Variants in WDTC1 observed in about 807,000 individuals in gnomAD.
WDTC1 encodes the protein WD and tetratricopeptide repeats 1, also known as WD and tetratricopeptide repeats protein 1.
WDTC1 carries 12 observed loss-of-function variants against 76.0 expected under a neutral mutation model. That is an observed-to-expected ratio of 0.16 (90% CI 0.10 to 0.26). The LOEUF is 0.26. WDTC1 is among the 10% of genes least tolerant of loss of function. The pLI is 1.00. For missense variants in WDTC1, 511 were observed against 908.8 expected (o/e 0.56, Z 5.63); for synonymous variants, 326 against 350.8 (o/e 0.93, Z 0.79).
At chr1:27,286,844 T>C (rs2013354470) in intron 5 of WDTC1, among the ~76,000 whole-genome samples, 1 of 152,084 alleles carries the variant, frequency 6.6e-6, no homozygotes, top group South Asian at 2.1e-4. Context: ...AGATTGTTTT[T>C]CAGAAGCAGT....
At chr1:27,304,913 C>T (rs906997804) in intron 14 of WDTC1, 88 bp from the exon 15 acceptor site, 11 of 1,361,646 alleles carry the variant, frequency 8.1e-6, no homozygotes, top group South Asian at 1.5e-5. Context: ...GACTTCCTTG[C>T]TCCCCCTTTA....
chr1:27,304,052 A>G (rs1435785080), intron 14 of WDTC1: 2 of 418,946 alleles, frequency 4.8e-6, no homozygotes, highest in African/African-American at 4.3e-5. Context: ...TGCCTGAACT[A>G]CTCCTTCATC....
At chr1:27,289,313 T>C (rs2013454297) in intron 6 of WDTC1, among the ~76,000 whole-genome samples, 1 of 143,086 alleles carries the variant, frequency 7.0e-6, no homozygotes, top group Non-Finnish European at 1.5e-5. Flanking sequence ...GACGGGGTGG[T>C]TGCCAGGCAG....
At chr1:27,241,234 T>A (rs2011623971) in intron 1 of WDTC1, among the ~76,000 whole-genome samples, 1 of 151,722 alleles carries the variant, frequency 6.6e-6, no homozygotes, top group African/African-American at 2.4e-5. Context: ...TCTGGGGAGG[T>A]ATTAACCCCA....
Position 27,234,964 on chromosome 1 carries a change from GC to G in WDTC1, c.-100+15del, listed in dbSNP as rs2011462676. 1 of 388,500 alleles carries G rather than the reference GC, an allele frequency of 2.6e-6. No homozygotes were observed. The highest frequency in any genetic ancestry group is 2.1e-5 in the African/African-American group (1 of 48,152). 24.1% of individuals were successfully genotyped at this position (388,500 alleles called of 1,614,324 possible). ...AGAGACCTGACAGGTACGGGTCACC[GC>G]CGCCCCCTGCCCTCCGCGGGCGCCG... On this transcript the variant is annotated intron_variant, in intron 1 of 15. Transcript: ENST00000319394.
At chr1:27,262,056 A>AGT (rs1314248386) in intron 2 of WDTC1, among the ~76,000 whole-genome samples, 1 of 151,672 alleles carries the variant, frequency 6.6e-6, no homozygotes, top group Non-Finnish European at 1.5e-5. Flanking sequence ...CAGCCTCGCA[A>AGT]GTAGCTGGGA....
chr1:27,244,743 C>G (rs529702349), intron 1 of WDTC1, among the ~76,000 whole-genome samples: 1 of 152,210 alleles, frequency 6.6e-6, no homozygotes, highest in Non-Finnish European at 1.5e-5. Context: ...TCCAATAGAA[C>G]CACTATAAAT....
chr1:27,253,007 A>ATT (rs34743468), intron 1 of WDTC1, among the ~76,000 whole-genome samples: 12 of 106,444 alleles, frequency 1.1e-4, no homozygotes, highest in African/African-American at 2.0e-4. Context: ...GTTCTTTCTG[A>ATT]TTTTTTTTTT....
At chr1:27,252,806 A>G (rs1047794279) in intron 1 of WDTC1, among the ~76,000 whole-genome samples, 5 of 151,766 alleles carry the variant, frequency 3.3e-5, no homozygotes, top group African/African-American at 1.2e-4. Flanking sequence ...TCAAAAAAAG[A>G]AAAAGAAAAA....
intron 1 of WDTC1, among the ~76,000 whole-genome samples, chr1:27,249,114 G>A (rs1570940430): frequency 6.6e-6 from 1 of 151,780 alleles, no homozygotes; most frequent in Non-Finnish European, 1.5e-5. Flanking sequence ...CTAAAAATAC[G>A]AAAAATTAGC....
At chr1:27,297,447 G>A (rs1297360011) in intron 11 of WDTC1, among the ~76,000 whole-genome samples, 1 of 152,218 alleles carries the variant, frequency 6.6e-6, no homozygotes, top group Non-Finnish European at 1.5e-5. Context: ...CCAAAAAGGG[G>A]CTGCATACAA....
At chr1:27,235,960 C>T (rs2011483641) in intron 1 of WDTC1, among the ~76,000 whole-genome samples, 2 of 152,082 alleles carry the variant, frequency 1.3e-5, no homozygotes, top group South Asian at 4.1e-4. Context: ...GAAGTCTTCC[C>T]TTTCTAACAA....
intron 2 of WDTC1, among the ~76,000 whole-genome samples, chr1:27,262,744 A>G (rs866383148): frequency 1.3e-5 from 2 of 152,242 alleles, no homozygotes; most frequent in Admixed American, 6.5e-5. Flanking sequence ...TGATTTCATT[A>G]GACTGAGTGG....
rs374180275 is a variant in WDTC1 at position 27,306,160 on chromosome 1, G to A, written c.1837-26G>A. Reference sequence around the variant, plus strand: ...GTGCCTCTCCCTCCCTGAGCCCCACGTGTGTCACCCCTTTCTCCACCACAG... The same window carrying A: ...GTGCCTCTCCCTCCCTGAGCCCCACATGTGTCACCCCTTTCTCCACCACAG... On this transcript the variant is annotated intron_variant, in intron 15 of 15. Coordinates refer to ENST00000319394, the MANE Select transcript of WDTC1 (RefSeq NM_001276252.2). This position sits in a 1 kb window ranked among gnomAD's most constrained non-coding sequence, Gnocchi z 5.0. 331 of 1,613,278 alleles carry A rather than the reference G, an allele frequency of 2.1e-4. 1 individual carries two copies. The highest frequency in any genetic ancestry group is 3.3e-4 in the Middle Eastern group (2 of 6,082).
intron 5 of WDTC1, among the ~76,000 whole-genome samples, chr1:27,287,315 T>G (rs1368472886): frequency 6.6e-6 from 1 of 152,214 alleles, no homozygotes; most frequent in African/African-American, 2.4e-5. Flanking sequence ...AGACTTGGGC[T>G]TGAACACAAT....
At chr1:27,285,663 G>A (rs2013311057) in intron 5 of WDTC1, among the ~76,000 whole-genome samples, 1 of 150,284 alleles carries the variant, frequency 6.7e-6, no homozygotes, top group African/African-American at 2.4e-5. Context: ...TTGTTGCCCA[G>A]GCTGGAGTAC....
chr1:27,287,529 G>A, intron 5 of WDTC1, 145 bp from the exon 6 acceptor site: 1 of 871,170 alleles, frequency 1.1e-6, no homozygotes, highest in Non-Finnish European at 1.7e-6. Context: ...TGGGATTACA[G>A]GCATGAGCCA....
rs1244855006 is a variant in WDTC1, at chr1:27,274,826, T to C, written c.133-7413T>C. Among the ~76,000 whole-genome samples, 1 of 152,214 alleles carries C rather than the reference T, an allele frequency of 6.6e-6. No individual in the cohort carries two copies. The highest frequency in any genetic ancestry group is 2.4e-5 in the African/African-American group (1 of 41,456). ...CCCAAGATCACCTTGGAAGTTGTGATCACACTTTGATTCCTGCTATTTCAT... is the reference window on the plus strand; with the variant it reads ...CCCAAGATCACCTTGGAAGTTGTGACCACACTTTGATTCCTGCTATTTCAT... On this transcript the variant is annotated intron_variant, in intron 3 of 15. Coordinates refer to ENST00000319394, the MANE Select transcript of WDTC1 (RefSeq NM_001276252.2). The surrounding 1 kb of genome is among the most constrained non-coding windows in gnomAD (Gnocchi z 4.2).
At chr1:27,294,437 A>C (rs1232117916) in intron 8 of WDTC1, 77 bp from the exon 9 acceptor site, 1 of 1,325,062 alleles carries the variant, frequency 7.5e-7, no homozygotes, top group Non-Finnish European at 1.1e-6. Flanking sequence ...ATAATTTTTG[A>C]TATGACTGAC....
Sources: gnomAD v4.1 joint callset for allele counts (sites outside exome capture counted in the v4.1 genomes callset) on GRCh38, gnomAD v4.1.1 for gene constraint, Gnocchi (gnomAD v3.1) non-coding constraint, MANE v1.5 for transcripts, NCBI Gene and HGNC (gene_info 2026-07-23, HGNC 2026-07-21) for gene names.